The following ELFN1 variants were observed in gnomAD, a reference collection of about 807,000 sequenced individuals.
The protein encoded by ELFN1 is protein ELFN1.
Under a neutral mutation model 7.6 loss-of-function variants are expected in ELFN1, and 6 were observed. The observed-to-expected ratio is 0.79, with a 90% CI of 0.43 to 1.56. The LOEUF is 1.56. Among genes scored for constraint, ELFN1 ranks in the 40% most tolerant of loss-of-function variants. ELFN1 has a pLI of 0.01. For synonymous variants in ELFN1, 657 were observed against 588.1 expected (o/e 1.12, Z -1.70); for missense variants, 1,169 against 1,232.2 (o/e 0.95, Z 0.77).
chr7:1,717,821 T>C (rs1583359578), intron 3 of ELFN1, among the ~76,000 whole-genome samples: 1 of 151,920 alleles, frequency 6.6e-6, no homozygotes, highest in Non-Finnish European at 1.5e-5. Flanking sequence ...CAGGGACAGG[T>C]CGCAGGGGAG....
chr7:1,709,486 C>T (rs967000042), intron 3 of ELFN1, among the ~76,000 whole-genome samples: 1 of 152,200 alleles, frequency 6.6e-6, no homozygotes, highest in African/African-American at 2.4e-5. Context: ...CAAAAGGAGC[C>T]TGGGGCTGCC....
intron 3 of ELFN1, among the ~76,000 whole-genome samples, chr7:1,710,060 C>T (rs745548843): frequency 3.3e-5 from 5 of 152,196 alleles, no homozygotes; most frequent in Non-Finnish European, 5.9e-5. Flanking sequence ...CTAACTTGAC[C>T]AGAAGGAGGC....
At chr7:1,743,073 T>C (rs1780673445) in intron 3 of ELFN1, among the ~76,000 whole-genome samples, 1 of 126,410 alleles carries the variant, frequency 7.9e-6, no homozygotes, top group Admixed American at 8.5e-5. Flanking sequence ...GGCCCCCTTA[T>C]CTCGAGGGTA....
At chr7:1,744,059 C>T (rs897344150) in intron 3 of ELFN1, among the ~76,000 whole-genome samples, 6 of 152,150 alleles carry the variant, frequency 3.9e-5, no homozygotes, top group African/African-American at 9.7e-5. Flanking sequence ...GGCCGAGAGC[C>T]GAGGAGACCC....
chr7:1,699,169 T>C (rs1287124182), intron 2 of ELFN1, among the ~76,000 whole-genome samples: 2 of 152,242 alleles, frequency 1.3e-5, no homozygotes, highest in East Asian at 1.9e-4. Flanking sequence ...TGTACCTCAG[T>C]TGATGTATCC....
intron 1 of ELFN1, among the ~76,000 whole-genome samples, chr7:1,687,064 G>A (rs1054317073): frequency 2.0e-5 from 3 of 151,936 alleles, no homozygotes; most frequent in Non-Finnish European, 4.4e-5. Context: ...AAAGCTGCTA[G>A]TTTTTATGAT....
At chr7:1,710,464 G>A (rs1779625811) in intron 3 of ELFN1, among the ~76,000 whole-genome samples, 1 of 152,174 alleles carries the variant, frequency 6.6e-6, no homozygotes, top group African/African-American at 2.4e-5. Flanking sequence ...CTGCCACTAA[G>A]GCATTATTTG....
In ELFN1 at chr7:1,679,562, C is replaced by T. The variant is rs540122715; in HGVS notation, c.-548-8496C>T. Among the ~76,000 whole-genome samples the T allele has an allele frequency of 1.1e-3, 171 of 152,270 alleles. 1 individual carries two copies. Among genetic ancestry groups the T allele is most frequent in the Admixed American group, 4.6e-3 (70 of 15,300 alleles). ...GAGGCCCAGGCTGCTGCCTCAGCCC[C>T]GTCCCTACCGAGCTCTCCCGGGGAG... is the stretch of plus-strand genomic sequence containing the variant. On this transcript the variant is annotated intron_variant, in intron 1 of 3. Transcript: ENST00000424383.
chr7:1,669,560 A>G (rs1327365903), upstream of ELFN1, among the ~76,000 whole-genome samples: 1 of 152,184 alleles, frequency 6.6e-6, no homozygotes, highest in African/African-American at 2.4e-5. Context: ...CTCTTGACTC[A>G]GTTTCCCTTC....
chr7:1,670,011 C>T (rs993839678), upstream of ELFN1, among the ~76,000 whole-genome samples: 236 of 151,794 alleles, frequency 1.6e-3, no homozygotes, highest in African/African-American at 5.3e-3. This position sits in a 1 kb window ranked among gnomAD's most constrained non-coding sequence, Gnocchi z 6.4. Flanking sequence ...GAGCGGGTTG[C>T]CGCGGGGAGC....
intron 2 of ELFN1, among the ~76,000 whole-genome samples, chr7:1,699,940 C>T (rs1206636805): frequency 1.3e-5 from 2 of 151,770 alleles, no homozygotes; most frequent in South Asian, 2.1e-4. Flanking sequence ...GCTCAGGTGA[C>T]CCGCCCGCCT....
rs1264407244 is a variant in ELFN1, at chr7:1,688,596, T to C, written c.-456+446T>C. Among the ~76,000 whole-genome samples the C allele has an allele frequency of 2.0e-5, 3 of 152,354 alleles. No homozygotes were observed. The East Asian group carries it at 5.8e-4, about 29-fold the overall frequency. Reference sequence around the variant, plus strand: ...TTTTATTGAAAAATACCATCCATTTTCAATGACATTATTTTATTTCCTTAA... The same window carrying C: ...TTTTATTGAAAAATACCATCCATTTCCAATGACATTATTTTATTTCCTTAA... On this transcript the variant is annotated intron_variant, in intron 2 of 3. Coordinates refer to ENST00000424383, the MANE Select transcript of ELFN1 (RefSeq NM_001128636.4).
chr7:1,716,021 C>G (rs1483022876), intron 3 of ELFN1, among the ~76,000 whole-genome samples: 3 of 152,228 alleles, frequency 2.0e-5, no homozygotes, highest in Admixed American at 6.5e-5. Context: ...CCATTGCTCA[C>G]CAGCTGTGCA....
Position 1,745,937 on chromosome 7 carries a change from G to A in ELFN1, c.1341G>A (p.Glu447=). The A allele has an allele frequency of 6.4e-7, 1 of 1,560,274 alleles. No homozygotes were observed. The highest frequency in any genetic ancestry group is 8.7e-7 in the Non-Finnish European group (1 of 1,154,020). The change falls in exon 4 of 4, where the codon GAG becomes GAA. Residue 447 remains glutamate, a synonymous_variant. Coordinates refer to ENST00000424383, the MANE Select transcript of ELFN1 (RefSeq NM_001128636.4). The part of the protein sequence containing the change: ...YYCLRRRRRQ[E]EKHKKAASAA... ...GCCTGCGCAGGCGGCGGCGCCAGGA[G>A]GAGAAGCACAAGAAGGCCGCCTCGG...
rs1273197467 is a variant in ELFN1, at chr7:1,744,566, C to T, written c.-31C>T. 1 of 1,463,024 alleles carries T rather than the reference C, an allele frequency of 6.8e-7. No individual in the cohort carries two copies. Among genetic ancestry groups the T allele is most frequent in the Admixed American group, 2.7e-5 (1 of 37,474 alleles). The allele number at this position is 1,463,024 out of a possible 1,614,324, so 90.6% of individuals were successfully genotyped here. On this transcript the variant is annotated 5_prime_UTR_variant, in exon 4 of 4. Transcript: ENST00000424383. The stretch of plus-strand genomic sequence containing the variant: ...CCCCCACCTGGTCCCCCTGGGCAGG[C>T]TGAATTGGGGCTCCCTGCAGGGCGG...
chr7:1,742,470 G>A (rs1364314055), intron 3 of ELFN1, among the ~76,000 whole-genome samples: 1 of 152,248 alleles, frequency 6.6e-6, no homozygotes, highest in African/African-American at 2.4e-5. Flanking sequence ...TGCAGGGATG[G>A]TGGGGAGGGA....
chr7:1,720,274 C>T (rs918678833), intron 3 of ELFN1, among the ~76,000 whole-genome samples: 3 of 152,306 alleles, frequency 2.0e-5, no homozygotes, highest in Admixed American at 1.3e-4. Flanking sequence ...AGTGGGAAGA[C>T]GAAGATGGGA....
At chr7:1,720,737 A>G (rs1011794011) in intron 3 of ELFN1, among the ~76,000 whole-genome samples, 1 of 42,090 alleles carries the variant, frequency 2.4e-5, no homozygotes, top group African/African-American at 9.1e-5. Flanking sequence ...AGCACCCCCC[A>G]CCCCCCGCAC....
chr7:1,744,410 C>G lies in ELFN1; in HGVS notation c.-187C>G, dbSNP rs562435308. 2.6e-5 allele frequency: 16 copies of G among 623,778 alleles called. No individual in the cohort carries two copies. The South Asian group carries it at 3.4e-4, about 13-fold the overall frequency. 38.6% of individuals were successfully genotyped at this position (623,778 alleles called of 1,614,324 possible). On this transcript the variant is annotated 5_prime_UTR_variant, in exon 4 of 4. Transcript: ENST00000424383. ...ACTGGGGCGGAAGACGAGAGGCGGC[C>G]GGCCGTGAGGGAGGCGCCCTCCCTC...
Sources: gnomAD v4.1 joint callset for allele counts (sites outside exome capture counted in the v4.1 genomes callset) on GRCh38, gnomAD v4.1.1 for gene constraint, Gnocchi (gnomAD v3.1) non-coding constraint, MANE v1.5 for transcripts, NCBI Gene and HGNC (gene_info 2026-07-23, HGNC 2026-07-21) for gene names.